Variants in LGSN observed in about 807,000 individuals in gnomAD.
LGSN encodes the protein lengsin.
Under a neutral mutation model 19.5 loss-of-function variants are expected in LGSN, and 21 were observed. That is an observed-to-expected ratio of 1.07 (90% CI 0.76 to 1.55). The LOEUF is 1.55. LGSN is among the 40% of genes most tolerant of loss of function. The pLI, the probability that LGSN is intolerant of heterozygous loss-of-function variation, is 0.00. For missense variants in LGSN, 673 were observed against 608.5 expected (o/e 1.11, Z -1.12); for synonymous variants, 257 against 215.6 (o/e 1.19, Z -1.68).
At chr6:63,480,907 G>T in the LGSN span, among the ~76,000 whole-genome samples, 1 of 141,256 alleles carries the variant, frequency 7.1e-6, no homozygotes, top group African/African-American at 2.7e-5. Context: ...ACCAACCTAA[G>T]TGCCCACTGA....
chr6:63,292,951 A>G (rs572938024), intron 2 of LGSN, among the ~76,000 whole-genome samples: 4 of 152,296 alleles, frequency 2.6e-5, no homozygotes, highest in African/African-American at 9.6e-5. Context: ...CCACTCTGGT[A>G]TATTCTCATC....
chr6:63,366,023 T>C, the LGSN span, among the ~76,000 whole-genome samples: 1 of 152,186 alleles, frequency 6.6e-6, no homozygotes, highest in Non-Finnish European at 1.5e-5. Context: ...CTTTGAAAAC[T>C]GGCACAAGAC....
the LGSN span, among the ~76,000 whole-genome samples, chr6:63,563,439 T>C: frequency 1.3e-5 from 2 of 152,172 alleles, no homozygotes; most frequent in Admixed American, 1.3e-4. Flanking sequence ...TTCCTCCCCC[T>C]CTTTTTGTGA....
chr6:63,562,500 G>A, the LGSN span, among the ~76,000 whole-genome samples: 1 of 152,058 alleles, frequency 6.6e-6, no homozygotes, highest in Non-Finnish European at 1.5e-5. Context: ...TGACTGGCAA[G>A]ATACTTTTAA....
the LGSN span, among the ~76,000 whole-genome samples, chr6:63,451,383 A>C: frequency 6.6e-6 from 1 of 152,246 alleles, no homozygotes; most frequent in African/African-American, 2.4e-5. Context: ...AATGTGGTAC[A>C]TATACAACAT....
chr6:63,445,894 C>T, the LGSN span, among the ~76,000 whole-genome samples: 20 of 152,224 alleles, frequency 1.3e-4, no homozygotes, highest in South Asian at 2.3e-3. Flanking sequence ...CAACCCCCAC[C>T]GCCCCATGAC....
the LGSN span, among the ~76,000 whole-genome samples, chr6:63,563,223 T>C: frequency 6.6e-6 from 1 of 152,236 alleles, no homozygotes; most frequent in African/African-American, 2.4e-5. Context: ...TTTCCTGATA[T>C]GTGGTGTGAT....
At chr6:63,410,474 CT>C in the LGSN span, among the ~76,000 whole-genome samples, 1 of 152,012 alleles carries the variant, frequency 6.6e-6, no homozygotes, top group Non-Finnish European at 1.5e-5. Flanking sequence ...GCAGCAGAAA[CT>C]TTTTTCAAAT....
the LGSN span, among the ~76,000 whole-genome samples, chr6:63,362,466 T>C: frequency 4.1e-3 from 621 of 152,256 alleles, 3 homozygotes; most frequent in Middle Eastern, 0.037. Context: ...CCATGACAGA[T>C]GGTACCTGGA....
chr6:63,363,409 A>G, the LGSN span, among the ~76,000 whole-genome samples: 1 of 152,378 alleles, frequency 6.6e-6, no homozygotes, highest in African/African-American at 2.4e-5. Flanking sequence ...TCCAAGCTAA[A>G]GGAGGATGTT....
At chr6:63,295,154 G>A in intron 1 of LGSN, 109 bp from the exon 2 acceptor site, 6 of 992,146 alleles carry the variant, frequency 6.0e-6, no homozygotes, top group Non-Finnish European at 9.1e-6. Flanking sequence ...GAGCATAGAA[G>A]ACTTTTATAA....
At chr6:63,364,519 G>C in the LGSN span, among the ~76,000 whole-genome samples, 19,832 of 151,992 alleles carry the variant, frequency 0.13, 2,864 homozygotes, top group African/African-American at 0.36. Context: ...CAACATTAGA[G>C]AGATCAACAA....
the LGSN span, among the ~76,000 whole-genome samples, chr6:63,326,542 G>A: frequency 1.1e-4 from 17 of 152,266 alleles, no homozygotes; most frequent in Admixed American, 2.6e-4. Context: ...AGGAGCCCAC[G>A]GAGGAGGTGG....
the LGSN span, among the ~76,000 whole-genome samples, chr6:63,326,468 T>A: frequency 1.3e-5 from 2 of 152,094 alleles, no homozygotes; most frequent in African/African-American, 4.8e-5. Context: ...AGCCCTTGGG[T>A]GGTCGATGGG....
intron 1 of LGSN, among the ~76,000 whole-genome samples, chr6:63,312,223 T>C (rs1423855729): frequency 1.3e-5 from 2 of 152,238 alleles, no homozygotes; most frequent in Non-Finnish European, 2.9e-5. Flanking sequence ...AGGTCAATTC[T>C]ATATCTTAGC....
At chr6:63,297,571 A>T (rs1768025603) in intron 1 of LGSN, among the ~76,000 whole-genome samples, 1 of 152,120 alleles carries the variant, frequency 6.6e-6, no homozygotes, top group African/African-American at 2.4e-5. Flanking sequence ...TCCCACCTCC[A>T]TTCGAGTATT....
the LGSN span, among the ~76,000 whole-genome samples, chr6:63,495,322 C>A: frequency 1.3e-5 from 2 of 152,136 alleles, no homozygotes; most frequent in East Asian, 3.9e-4. Flanking sequence ...AGAAGCTGAG[C>A]AACTTTTCCT....
chr6:63,487,852 G>A, the LGSN span, among the ~76,000 whole-genome samples: 2 of 151,976 alleles, frequency 1.3e-5, no homozygotes, highest in East Asian at 1.9e-4. Flanking sequence ...GTGGTAGTGG[G>A]CACCTGTAAT....
the LGSN span, among the ~76,000 whole-genome samples, chr6:63,402,083 T>C: frequency 6.6e-6 from 1 of 152,040 alleles, no homozygotes; most frequent in African/African-American, 2.4e-5. Context: ...ACTATGAGAG[T>C]GACAAGGTGA....
Sources: allele counts gnomAD v4.1 joint callset (sites outside exome capture counted in the v4.1 genomes callset), GRCh38; gene constraint gnomAD v4.1.1; transcripts MANE v1.5; gene names NCBI Gene and HGNC (gene_info 2026-07-23, HGNC 2026-07-21).